UBE2W: variants seen among roughly 807,000 people sequenced by gnomAD.
UBE2W encodes the protein ubiquitin conjugating enzyme E2 W.
Under a neutral mutation model 27.2 loss-of-function variants are expected in UBE2W, and 18 were observed. The ratio of observed to expected loss-of-function variants is 0.66; its 90% CI spans 0.46 to 0.98. The LOEUF (loss-of-function observed/expected upper bound fraction) is 0.98. Ranked by LOEUF, UBE2W falls within the 50% of genes least tolerant of loss-of-function variation. UBE2W has a pLI of 0.00. For missense variants in UBE2W, 90 were observed against 180.2 expected (o/e 0.50, Z 2.87); for synonymous variants, 53 against 57.2 (o/e 0.93, Z 0.33).
At chr8:73,855,898 T>C in intron 1 of UBE2W, among the ~76,000 whole-genome samples, 2 of 152,090 alleles carry the variant, frequency 1.3e-5, no homozygotes, top group East Asian at 3.8e-4. Context: ...GTTATTCTAC[T>C]CATTTTCACA....
intron 3 of UBE2W, among the ~76,000 whole-genome samples, chr8:73,823,546 TG>T (rs1447921418): frequency 6.6e-6 from 1 of 152,212 alleles, no homozygotes; most frequent in Non-Finnish European, 1.5e-5. Flanking sequence ...ACTGAGATCC[TG>T]TTGTCTCCAC....
chr8:73,848,857 C>T (rs1192251440), intron 1 of UBE2W, among the ~76,000 whole-genome samples: 2 of 152,046 alleles, frequency 1.3e-5, no homozygotes, highest in African/African-American at 4.8e-5. Context: ...ATGAACTTTA[C>T]ATGTAGATTT....
chr8:73,870,384 A>C, intron 1 of UBE2W: 1 of 1,303,326 alleles, frequency 7.7e-7, no homozygotes. Context: ...TGCAGGGACT[A>C]GAAATCAGAA....
At chr8:73,859,165 A>G (rs1451803702) in intron 1 of UBE2W, among the ~76,000 whole-genome samples, 1 of 152,150 alleles carries the variant, frequency 6.6e-6, no homozygotes, top group Non-Finnish European at 1.5e-5. Flanking sequence ...TGAGACAGCA[A>G]GACCAAACCC....
intron 1 of UBE2W, among the ~76,000 whole-genome samples, chr8:73,860,275 T>C (rs568491841): frequency 6.6e-6 from 1 of 152,196 alleles, no homozygotes; most frequent in Non-Finnish European, 1.5e-5. Context: ...AAATGCTGTA[T>C]AAATTTTCCT....
In UBE2W at chr8:73,792,206, CAACTAATAA is replaced by C. The variant is rs1267987400; in HGVS notation, c.*1887_*1895del. 1.0e-6 allele frequency: 1 copy of C among 985,518 alleles called. No homozygotes were observed. The highest frequency in any genetic ancestry group is 1.7e-5 in the African/African-American group (1 of 57,312). The allele number at this position is 985,518 out of a possible 1,614,324, so 61.0% of individuals were successfully genotyped here. A position where few individuals can be genotyped will look rare whatever the true frequency, so the allele number is the denominator to read the frequency against. The stretch of plus-strand genomic sequence containing the variant: ...GACTTTCTGTCTTGGTTAAACAGGC[CAACTAATAA>C]AACTGACAGAGATCATTGTGAGAAT... On this transcript the variant is annotated 3_prime_UTR_variant, in exon 6 of 6. Coordinates refer to ENST00000602593, the MANE Select transcript of UBE2W (RefSeq NM_018299.6).
chr8:73,836,446 C>T (rs1810310777), intron 1 of UBE2W, among the ~76,000 whole-genome samples: 1 of 152,082 alleles, frequency 6.6e-6, no homozygotes, highest in Non-Finnish European at 1.5e-5. Context: ...TCTGCAGATT[C>T]ACAAAAACAG....
rs544211896 is a variant in UBE2W, at chr8:73,874,114, A to G, written c.15+4694T>C. ...AGTACTTCATAACATTAAATAATAC[A>G]TAGGAAAGAAAAAAGGTTATAAAAT... On this transcript the variant is annotated intron_variant, in intron 1 of 5. Transcript: ENST00000602593. 5.9e-5 allele frequency among the ~76,000 whole-genome samples: 9 copies of G among 152,330 alleles called. No individual in the cohort carries two copies. The South Asian group carries it at 1.9e-3, about 32-fold the overall frequency.
chr8:73,863,501 C>CG (rs1811614272), intron 1 of UBE2W, among the ~76,000 whole-genome samples: 4 of 148,860 alleles, frequency 2.7e-5, no homozygotes, highest in African/African-American at 1.0e-4. Flanking sequence ...GTGGGTGCAG[C>CG]GCACCAGCAT....
intron 1 of UBE2W, among the ~76,000 whole-genome samples, chr8:73,836,811 A>G (rs777363589): frequency 5.3e-5 from 8 of 152,244 alleles, no homozygotes; most frequent in Non-Finnish European, 1.2e-4. Context: ...TTATAAAACC[A>G]TCATGGCCAT....
intron 3 of UBE2W, among the ~76,000 whole-genome samples, chr8:73,817,088 G>C (rs1007664787): frequency 6.6e-6 from 1 of 151,620 alleles, no homozygotes; most frequent in Non-Finnish European, 1.5e-5. Context: ...AACTCTGGGA[G>C]GCTGAGGCGG....
At chr8:73,783,678 C>T (rs1245022414), downstream of UBE2W, among the ~76,000 whole-genome samples, 1 of 152,222 alleles carries the variant, frequency 6.6e-6, no homozygotes, top group Non-Finnish European at 1.5e-5. Flanking sequence ...CTCCAGACTA[C>T]AGCCAAGGCC....
Position 73,849,561 on chromosome 8 carries a change from T to C in UBE2W, c.16-19089A>G, listed in dbSNP as rs555161946. Among the ~76,000 whole-genome samples the C allele has an allele frequency of 2.8e-5, 3 of 107,942 alleles. No homozygotes were observed. The South Asian group carries it at 9.4e-4, about 34-fold the overall frequency. 70.8% of individuals were successfully genotyped at this position (107,942 alleles called of 152,430 possible). A position where few individuals can be genotyped will look rare whatever the true frequency, so the allele number is the denominator to read the frequency against. ...AAAAAATTGTGTGTAACTTCCAAAC[T>C]AGTAGAGGTATGAAAAATAGAATAA... On this transcript the variant is annotated intron_variant, in intron 1 of 5. Transcript: ENST00000602593.
At chr8:73,838,176 C>A (rs1288810033) in intron 1 of UBE2W, among the ~76,000 whole-genome samples, 3 of 152,160 alleles carry the variant, frequency 2.0e-5, no homozygotes. Context: ...TCAGAACTGG[C>A]TCGGCTTTTC....
intron 5 of UBE2W, among the ~76,000 whole-genome samples, chr8:73,803,129 T>C (rs1313457742): frequency 1.3e-5 from 2 of 151,756 alleles, no homozygotes; most frequent in Non-Finnish European, 1.5e-5. Context: ...GGCAGGAGAA[T>C]TGCTTGAACC....
downstream of UBE2W, among the ~76,000 whole-genome samples, chr8:73,783,018 G>C (rs1272569451): frequency 6.6e-6 from 1 of 152,118 alleles, no homozygotes; most frequent in Non-Finnish European, 1.5e-5. Context: ...AGGACTAAAG[G>C]TGTTAAGCAG....
At chr8:73,805,620 T>C (rs765379752) in intron 5 of UBE2W, 31 bp downstream of exon 5, 12 of 1,384,038 alleles carry the variant, frequency 8.7e-6, no homozygotes, top group Middle Eastern at 1.8e-4. Context: ...ATCAAAATGC[T>C]AAAAAGTTAT....
chr8:73,857,764 C>T (rs1260541421), intron 1 of UBE2W, among the ~76,000 whole-genome samples: 4 of 151,814 alleles, frequency 2.6e-5, no homozygotes, highest in Non-Finnish European at 4.4e-5. Flanking sequence ...TGCAGTGAGC[C>T]GAAATCGCGC....
At chr8:73,875,284 G>A (rs901932031) in intron 1 of UBE2W, among the ~76,000 whole-genome samples, 3 of 152,054 alleles carry the variant, frequency 2.0e-5, no homozygotes, top group Admixed American at 6.6e-5. Flanking sequence ...CTCCCATCCC[G>A]GGAGTTTCAT....
Sources: gnomAD v4.1 joint callset for allele counts (sites outside exome capture counted in the v4.1 genomes callset) on GRCh38, gnomAD v4.1.1 for gene constraint, MANE v1.5 for transcripts, NCBI Gene and HGNC (gene_info 2026-07-23, HGNC 2026-07-21) for gene names.